The following LCLAT1 variants were observed in gnomAD, a reference collection of about 807,000 sequenced individuals.
LCLAT1 encodes 1-AGP acyltransferase 8.
LCLAT1 carries 11 observed loss-of-function variants against 30.7 expected under a neutral mutation model. The observed-to-expected ratio is 0.36, with a 90% CI of 0.23 to 0.59. The LOEUF is 0.59. LCLAT1 is among the 20% of genes least tolerant of loss of function. The pLI is 0.77. For missense variants in LCLAT1, 402 were observed against 458.6 expected, an observed-to-expected ratio of 0.88 and a Z score of 1.13; for synonymous variants, 155 against 151.3, an observed-to-expected ratio of 1.02 and a Z score of -0.18.
At chr2:30,505,908 AGAGAT>A (rs140783683) in intron 1 of LCLAT1, among the ~76,000 whole-genome samples, 97 of 152,268 alleles carry the variant, frequency 6.4e-4, no homozygotes, top group African/African-American at 2.2e-3. Context: ...GTAAGTAATA[AGAGAT>A]AAGTTGTGTC....
chr2:30,517,278 C>A (rs184285316), intron 1 of LCLAT1, among the ~76,000 whole-genome samples: 55 of 152,338 alleles, frequency 3.6e-4, no homozygotes, highest in African/African-American at 1.2e-3. Context: ...ACACTGCATC[C>A]TTAGGCACCT....
chr2:30,503,493 C>G (rs1412088206), intron 1 of LCLAT1, among the ~76,000 whole-genome samples: 1 of 152,102 alleles, frequency 6.6e-6, no homozygotes, highest in African/African-American at 2.4e-5. Flanking sequence ...TAAATAACAG[C>G]TAGGTGGAGT....
chr2:30,640,090 CT>C, intron 5 of LCLAT1, 26 bp from the exon 6 acceptor site: 1 of 1,578,860 alleles, frequency 6.3e-7, no homozygotes, highest in Non-Finnish European at 8.6e-7. Context: ...ACTGCTTAAT[CT>C]ATGTTTTCAT....
At chr2:30,448,889 T>G (rs1681401326) in intron 1 of LCLAT1, among the ~76,000 whole-genome samples, 1 of 152,216 alleles carries the variant, frequency 6.6e-6, no homozygotes, top group Non-Finnish European at 1.5e-5. Context: ...ACAATCTCAT[T>G]GCACTGTTGG....
intron 4 of LCLAT1, 119 bp downstream of exon 4, chr2:30,562,411 C>A: frequency 1.3e-6 from 1 of 762,670 alleles, no homozygotes; most frequent in Non-Finnish European, 2.0e-6. Flanking sequence ...TGGTCCATCC[C>A]TGGAATCCTA....
chr2:30,583,251 C>T (rs1055472855), intron 5 of LCLAT1, among the ~76,000 whole-genome samples: 1 of 152,168 alleles, frequency 6.6e-6, no homozygotes, highest in Admixed American at 6.5e-5. Context: ...TTCTCAGATG[C>T]ATCTATTGCC....
chr2:30,633,945 G>T (rs1209818681), intron 5 of LCLAT1, among the ~76,000 whole-genome samples: 1 of 152,172 alleles, frequency 6.6e-6, no homozygotes, highest in Non-Finnish European at 1.5e-5. Flanking sequence ...AAGGATTTGG[G>T]CTCCCTCCCA....
intron 1 of LCLAT1, among the ~76,000 whole-genome samples, chr2:30,468,943 A>G (rs1682621723): frequency 6.6e-6 from 1 of 152,174 alleles, no homozygotes. Flanking sequence ...AATTGTGCCC[A>G]TGCTAGTGGG....
intron 1 of LCLAT1, among the ~76,000 whole-genome samples, chr2:30,522,921 G>C (rs989912252): frequency 6.6e-6 from 1 of 152,152 alleles, no homozygotes; most frequent in African/African-American, 2.4e-5. Context: ...ACTCTCCTGA[G>C]CCTCAGCTTC....
At chr2:30,626,143 A>T (rs982909935) in intron 5 of LCLAT1, among the ~76,000 whole-genome samples, 5 of 152,204 alleles carry the variant, frequency 3.3e-5, no homozygotes, top group African/African-American at 1.2e-4. Flanking sequence ...ATCAGAACAT[A>T]GAAACTATAA....
chr2:30,623,535 C>T lies in LCLAT1; in HGVS notation c.629-16582C>T, dbSNP rs952619458. Among the ~76,000 whole-genome samples the T allele has an allele frequency of 2.0e-5, 3 of 151,380 alleles. No individual in the cohort carries two copies. The South Asian group carries it at 6.2e-4, about 32-fold the overall frequency. On this transcript the variant is annotated intron_variant, in intron 5 of 5. Coordinates refer to ENST00000379509, the MANE Select transcript of LCLAT1 (RefSeq NM_001002257.3). ...AACTTCAGAGCTCAGACAAGGCTTTCGAAATAACCCAGTCCAACAAAGACA... is the reference window on the plus strand; with the variant it reads ...AACTTCAGAGCTCAGACAAGGCTTTTGAAATAACCCAGTCCAACAAAGACA...
At chr2:30,498,496 A>T (rs568784091) in intron 1 of LCLAT1, among the ~76,000 whole-genome samples, 31 of 152,330 alleles carry the variant, frequency 2.0e-4, no homozygotes, top group Admixed American at 3.3e-4. Context: ...TCACAGAGTA[A>T]GCATTTCCAT....
rs1170710273 is a variant in LCLAT1 at position 30,533,138 on chromosome 2, G to T, written c.188G>T (p.Gly63Val). Residue 63 changes from glycine (G) to valine (V), a missense_variant, in exon 3 of 6, where the codon GGT (glycine) becomes GTT (valine). Transcript: ENST00000379509. The stretch of plus-strand genomic sequence containing the variant: ...TAGGCATTATTGGAGACCATGTTTG[G>T]TGTAAAAGTGATTATAACTGGGGAT... ...LPVALLETMF[G>V]VKVIITGDAF... 6.2e-7 allele frequency: 1 copy of T among 1,613,524 alleles called. No homozygotes were observed. Among genetic ancestry groups the T allele is most frequent in the Admixed American group, 1.7e-5 (1 of 60,010 alleles).
At chr2:30,447,614 C>G (rs1254456022) in intron 1 of LCLAT1, 1 of 152,442 alleles carries the variant, frequency 6.6e-6, no homozygotes, top group African/African-American at 2.4e-5. Flanking sequence ...GAAGCGACTC[C>G]TGGAGGCTGG....
At chr2:30,636,165 G>A (rs1225872546) in intron 5 of LCLAT1, among the ~76,000 whole-genome samples, 1 of 152,128 alleles carries the variant, frequency 6.6e-6, no homozygotes, top group Non-Finnish European at 1.5e-5. Flanking sequence ...CAGGAAAAAA[G>A]GCTGAATATT....
intron 5 of LCLAT1, among the ~76,000 whole-genome samples, chr2:30,587,969 T>A (rs1283075490): frequency 6.6e-6 from 1 of 152,234 alleles, no homozygotes; most frequent in Non-Finnish European, 1.5e-5. Flanking sequence ...TCTGGAAGCC[T>A]TCTTCAGCCT....
intron 3 of LCLAT1, among the ~76,000 whole-genome samples, chr2:30,534,536 C>T (rs1003311968): frequency 1.3e-5 from 2 of 152,164 alleles, no homozygotes; most frequent in Non-Finnish European, 2.9e-5. Context: ...CGTTGGCCTC[C>T]CAAAGTGCTG....
intron 1 of LCLAT1, among the ~76,000 whole-genome samples, chr2:30,521,321 C>T (rs1226284191): frequency 1.3e-5 from 2 of 151,952 alleles, no homozygotes; most frequent in East Asian, 3.9e-4. Flanking sequence ...TTCTTTTATT[C>T]CTTTACTTTC....
chr2:30,588,747 C>A (rs542645604), intron 5 of LCLAT1, among the ~76,000 whole-genome samples: 1 of 152,116 alleles, frequency 6.6e-6, no homozygotes, highest in Non-Finnish European at 1.5e-5. Flanking sequence ...ATTACAGGCA[C>A]GTGCCACCAC....
Sources: allele counts gnomAD v4.1 joint callset (sites outside exome capture counted in the v4.1 genomes callset), GRCh38; gene constraint gnomAD v4.1.1; transcripts MANE v1.5; gene names NCBI Gene and HGNC (gene_info 2026-07-23, HGNC 2026-07-21).